Variants in PTK2 observed in about 807,000 individuals in gnomAD.
PTK2 encodes protein tyrosine kinase 2, also known as focal adhesion kinase 1.
A neutral mutation model predicts 150.1 loss-of-function variants in PTK2; 45 were observed. The ratio of observed to expected loss-of-function variants is 0.30; its 90% CI spans 0.24 to 0.38. PTK2 has a LOEUF of 0.38. Ranked by LOEUF, PTK2 falls within the 10% of genes least tolerant of loss-of-function variation. The probability of loss-of-function intolerance (pLI) is 1.00; values close to 1 mark genes in which losing one functional copy is unlikely to be tolerated. For synonymous variants in PTK2, 432 were observed against 449.2 expected, an observed-to-expected ratio of 0.96 and a Z score of 0.48; for missense variants, 919 against 1,307.3, an observed-to-expected ratio of 0.70 and a Z score of 4.58.
intron 13 of PTK2, among the ~76,000 whole-genome samples, chr8:140,791,208 C>T (rs907810914): frequency 2.0e-5 from 3 of 152,062 alleles, no homozygotes; most frequent in Non-Finnish European, 2.9e-5. Flanking sequence ...TGGAGTCTCA[C>T]GAAGTCACCC....
intron 1 of PTK2, among the ~76,000 whole-genome samples, chr8:140,962,323 A>G (rs1190051411): frequency 6.6e-6 from 1 of 151,652 alleles, no homozygotes; most frequent in Non-Finnish European, 1.5e-5. Flanking sequence ...TTATGTGGTT[A>G]TTTTTACTCA....
At chr8:140,945,187 A>G (rs2100177260) in intron 1 of PTK2, among the ~76,000 whole-genome samples, 1 of 152,256 alleles carries the variant, frequency 6.6e-6, no homozygotes, top group Non-Finnish European at 1.5e-5. Flanking sequence ...ACCAATGCGT[A>G]AAGATTTTTC....
chr8:140,825,958 G>A (rs924251825), intron 8 of PTK2, among the ~76,000 whole-genome samples: 1 of 152,136 alleles, frequency 6.6e-6, no homozygotes, highest in African/African-American at 2.4e-5. Context: ...CTTAGTAATT[G>A]AGGCACATAT....
chr8:140,927,893 C>T (rs1156287855), intron 1 of PTK2, among the ~76,000 whole-genome samples: 6 of 134,128 alleles, frequency 4.5e-5, no homozygotes, highest in African/African-American at 1.4e-4. Flanking sequence ...TGCAATGAGC[C>T]GAGATTGTCC....
At chr8:140,669,664 C>A (rs2094530044) in intron 29 of PTK2, 63 bp downstream of exon 33, 2 of 1,506,172 alleles carry the variant, frequency 1.3e-6, no homozygotes, top group African/African-American at 2.8e-5. Context: ...TCCAAAGTTA[C>A]ATGCAGAGAG....
intron 1 of PTK2, among the ~76,000 whole-genome samples, chr8:140,968,161 C>A (rs1386419318): frequency 6.6e-6 from 1 of 152,142 alleles, no homozygotes; most frequent in Non-Finnish European, 1.5e-5. Flanking sequence ...CTGACTAAAC[C>A]AATACCCTAA....
chr8:140,861,235 A>G (rs1173158153), intron 5 of PTK2, among the ~76,000 whole-genome samples: 1 of 152,076 alleles, frequency 6.6e-6, no homozygotes, highest in African/African-American at 2.4e-5. Flanking sequence ...TGTAGTCCCA[A>G]CTACTCAGGA....
chr8:140,851,903 A>C (rs970476008), intron 5 of PTK2, among the ~76,000 whole-genome samples: 14 of 151,716 alleles, frequency 9.2e-5, no homozygotes, highest in African/African-American at 3.1e-4. Context: ...ACTGCATAGC[A>C]ATCTTTTAAA....
chr8:140,665,764 T>A (rs1464149025), intron 30 of PTK2, among the ~76,000 whole-genome samples: 1 of 152,032 alleles, frequency 6.6e-6, no homozygotes, highest in Non-Finnish European at 1.5e-5. Flanking sequence ...AGTAAAACGG[T>A]TAAAAAAATA....
intron 2 of PTK2, among the ~76,000 whole-genome samples, chr8:140,901,118 A>G (rs1175296415): frequency 6.6e-6 from 1 of 152,178 alleles, no homozygotes; most frequent in Non-Finnish European, 1.5e-5. Context: ...CAACCAATTC[A>G]TTTTTGACAA....
chr8:140,877,480 T>C (rs755342822), intron 4 of PTK2, among the ~76,000 whole-genome samples: 4 of 152,184 alleles, frequency 2.6e-5, no homozygotes, highest in African/African-American at 4.8e-5. Flanking sequence ...TCACAAACTA[T>C]GTAACTACAA....
chr8:140,897,059 G>A (rs939976357), intron 2 of PTK2, among the ~76,000 whole-genome samples: 3 of 152,100 alleles, frequency 2.0e-5, no homozygotes, highest in Admixed American at 6.5e-5. Context: ...ACTGCTTCCT[G>A]GAAGAAAAGA....
intron 11 of PTK2, among the ~76,000 whole-genome samples, chr8:140,802,965 T>C (rs1306474251): frequency 1.3e-5 from 2 of 149,862 alleles, no homozygotes; most frequent in Non-Finnish European, 3.0e-5. Flanking sequence ...ACTGTACATA[T>C]AATTCCAAGA....
intron 7 of PTK2, chr8:140,832,761 G>C: frequency 9.8e-6 from 5 of 507,942 alleles, no homozygotes; most frequent in South Asian, 5.7e-5. Context: ...AGAACAGAAA[G>C]GTGGGTGGGC....
chr8:140,886,733 T>C (rs1431647601), intron 3 of PTK2, among the ~76,000 whole-genome samples: 3 of 152,216 alleles, frequency 2.0e-5, no homozygotes, highest in Non-Finnish European at 4.4e-5. Flanking sequence ...TAATAATTTA[T>C]CTGATATAGA....
At chr8:140,967,463 T>TTC (rs1491022878) in intron 1 of PTK2, among the ~76,000 whole-genome samples, 9 of 5,536 alleles carry the variant, frequency 1.6e-3, no homozygotes, top group Middle Eastern at 0.25. Flanking sequence ...CTTTCTTTCT[T>TTC]TTTTTTTTTT....
Position 140,735,463 on chromosome 8 carries a change from G to A in PTK2, c.1826-8C>T. On this transcript the variant is annotated splice_polypyrimidine_tract_variant and splice_region_variant and intron_variant, in intron 21 of 31. Transcript: ENST00000522684. The stretch of plus-strand genomic sequence containing the variant: ...TCTCCCACATACACACACCTGTCAA[G>A]TGGGAATGAAAACACAACAGTGAGC... The A allele has an allele frequency of 6.2e-7, 1 of 1,613,686 alleles. No homozygotes were observed. The highest frequency in any genetic ancestry group is 8.5e-7 in the Non-Finnish European group (1 of 1,179,630).
intron 1 of PTK2, among the ~76,000 whole-genome samples, chr8:140,933,086 G>A (rs1425925948): frequency 4.0e-5 from 6 of 151,634 alleles, no homozygotes; most frequent in East Asian, 3.9e-4. Context: ...CCTGACCTCC[G>A]ATGATCTAAC....
chr8:140,761,017 A>C, intron 16 of PTK2, 148 bp downstream of exon 19: 1 of 589,318 alleles, frequency 1.7e-6, no homozygotes, highest in East Asian at 2.9e-5. Context: ...TACGCCAAGT[A>C]TAAGCTGACA....
Sources: gnomAD v4.1 joint callset for allele counts (sites outside exome capture counted in the v4.1 genomes callset) on GRCh38, gnomAD v4.1.1 for gene constraint, MANE v1.5 for transcripts, NCBI Gene and HGNC (gene_info 2026-07-23, HGNC 2026-07-21) for gene names.